SYBU: variants seen among roughly 807,000 people sequenced by gnomAD.
SYBU encodes the protein GOLSYN A protein.
A neutral mutation model predicts 35.9 loss-of-function variants in SYBU; 21 were observed. The ratio of observed to expected loss-of-function variants is 0.58; its 90% confidence interval spans 0.41 to 0.84. SYBU has a LOEUF of 0.84. Among genes scored for constraint, SYBU ranks in the 40% least tolerant of loss-of-function variants. SYBU has a pLI of 0.00. For synonymous variants in SYBU, 319 were observed against 324.3 expected, an observed-to-expected ratio of 0.98 and a Z score of 0.18; for missense variants, 768 against 848.2, an observed-to-expected ratio of 0.91 and a Z score of 1.17.
intron 2 of SYBU, among the ~76,000 whole-genome samples, chr8:109,637,052 A>G (rs552830212): frequency 1.4e-4 from 21 of 152,272 alleles, no homozygotes; most frequent in African/African-American, 4.3e-4. Flanking sequence ...CATACTCCTC[A>G]TACCAAATCC....
intron 2 of SYBU, among the ~76,000 whole-genome samples, chr8:109,624,241 C>T (rs61152293): frequency 0.18 from 27,484 of 152,012 alleles, 2,846 homozygotes; most frequent in East Asian, 0.4. Flanking sequence ...CCCCAAAATG[C>T]CCAACTCCCT....
At chr8:109,668,511 G>A (rs1010877352) in intron 1 of SYBU, among the ~76,000 whole-genome samples, 2 of 152,096 alleles carry the variant, frequency 1.3e-5, no homozygotes, top group Non-Finnish European at 2.9e-5. Flanking sequence ...AAACCAACAC[G>A]TAATATGATT....
chr8:109,600,204 T>C (rs1345346789), intron 3 of SYBU, among the ~76,000 whole-genome samples: 1 of 152,252 alleles, frequency 6.6e-6, no homozygotes, highest in Non-Finnish European at 1.5e-5. Context: ...GTAGGTGCTG[T>C]TGTTTTGAAA....
At chr8:109,581,282 C>T (rs1049824090) in intron 4 of SYBU, among the ~76,000 whole-genome samples, 7 of 152,168 alleles carry the variant, frequency 4.6e-5, no homozygotes, top group Non-Finnish European at 1.0e-4. Flanking sequence ...TTGGCACTGC[C>T]ACTTAGTAGG....
rs964248806 is a variant in SYBU, at chr8:109,584,540, A to T, written c.530+1520T>A. On this transcript the variant is annotated intron_variant, in intron 4 of 6. Coordinates refer to ENST00000276646, the MANE Select transcript of SYBU (RefSeq NM_001099754.2). The surrounding 1 kb of genome is among the most constrained non-coding windows in gnomAD (Gnocchi z 4.0). ...TTAGAGCAAGCCACATCTGATTTACACAGAATGTTTACATTCATGTCCTAT... is the reference window on the plus strand; with the variant it reads ...TTAGAGCAAGCCACATCTGATTTACTCAGAATGTTTACATTCATGTCCTAT... Among the ~76,000 whole-genome samples, 6 of 152,176 alleles carry T rather than the reference A, an allele frequency of 3.9e-5. No individual in the cohort carries two copies. The highest frequency in any genetic ancestry group is 7.3e-5 in the Non-Finnish European group (5 of 68,038).
chr8:109,631,505 G>A (rs1167183083), intron 2 of SYBU, among the ~76,000 whole-genome samples: 1 of 152,176 alleles, frequency 6.6e-6, no homozygotes, highest in Non-Finnish European at 1.5e-5. Context: ...GCCAGGTGAG[G>A]TAAGCTCCAT....
At chr8:109,677,221 A>G (rs765445642) in intron 1 of SYBU, among the ~76,000 whole-genome samples, 14 of 152,214 alleles carry the variant, frequency 9.2e-5, no homozygotes, top group Non-Finnish European at 2.1e-4. Flanking sequence ...AGATACTCTA[A>G]AAGTAATACA....
At chr8:109,585,943 C>G in intron 4 of SYBU, 117 bp downstream of exon 4, 1 of 703,002 alleles carries the variant, frequency 1.4e-6, no homozygotes, top group Non-Finnish European at 2.4e-6. Flanking sequence ...AAACAAAAAG[C>G]CTCACTGAAT....
chr8:109,594,970 T>C (rs893373296), intron 3 of SYBU, among the ~76,000 whole-genome samples: 7 of 152,216 alleles, frequency 4.6e-5, no homozygotes, highest in African/African-American at 1.7e-4. Context: ...TTTTTTTCTA[T>C]GAAAGGAGAA....
intron 1 of SYBU, among the ~76,000 whole-genome samples, chr8:109,667,753 A>G (rs2130754914): frequency 6.6e-6 from 1 of 152,242 alleles, no homozygotes; most frequent in East Asian, 1.9e-4. Flanking sequence ...TCAGCATCCC[A>G]AAGTGTTGGG....
chr8:109,644,159 T>C (rs1385988594), intron 1 of SYBU: 1 of 459,920 alleles, frequency 2.2e-6, no homozygotes, highest in Admixed American at 2.3e-5. Flanking sequence ...AGGCATCCAC[T>C]CTACCCGGGG....
chr8:109,687,544 A>G (rs1018980114), intron 1 of SYBU, among the ~76,000 whole-genome samples: 1 of 152,214 alleles, frequency 6.6e-6, no homozygotes, highest in Non-Finnish European at 1.5e-5. Flanking sequence ...GAAAGCCTGT[A>G]AAACACTGAT....
At chr8:109,682,820 G>T (rs1377743160), upstream of SYBU, among the ~76,000 whole-genome samples, 2 of 152,190 alleles carry the variant, frequency 1.3e-5, no homozygotes, top group Non-Finnish European at 2.9e-5. Flanking sequence ...CAGGCCCAGG[G>T]CTCCCCTGCT....
rs138849865 is a variant in SYBU, at chr8:109,638,615, G to A, written c.229+4113C>T. Among the ~76,000 whole-genome samples the A allele has an allele frequency of 1.1e-4, 17 of 152,184 alleles. No individual in the cohort carries two copies. The East Asian group carries it at 2.5e-3, about 22-fold the overall frequency. ...CTTCCTATTAACTGTACTTCCTTAC[G>A]TATTTTTAAAATAAAGCATTAATTA... On this transcript the variant is annotated intron_variant, in intron 2 of 6. Transcript: ENST00000276646.
At chr8:109,611,318 A>C (rs1454356301) in intron 3 of SYBU, among the ~76,000 whole-genome samples, 1 of 152,210 alleles carries the variant, frequency 6.6e-6, no homozygotes, top group African/African-American at 2.4e-5. Flanking sequence ...GAGGATTATA[A>C]TTCACTAATT....
chr8:109,688,591 CT>C (rs2130792379), intron 1 of SYBU, among the ~76,000 whole-genome samples: 1 of 152,260 alleles, frequency 6.6e-6, no homozygotes, highest in East Asian at 1.9e-4. Flanking sequence ...ACTTAATTTA[CT>C]TTCCTAATTT....
chr8:109,678,339 C>T (rs1039925643), intron 1 of SYBU, among the ~76,000 whole-genome samples: 2 of 150,950 alleles, frequency 1.3e-5, no homozygotes, highest in African/African-American at 4.9e-5. Flanking sequence ...TTAGGTTAAG[C>T]TTGAGACTCC....
At chr8:109,615,997 CTT>C (rs144362049) in intron 3 of SYBU, among the ~76,000 whole-genome samples, 1 of 96,048 alleles carries the variant, frequency 1.0e-5, no homozygotes, top group African/African-American at 4.8e-5. Flanking sequence ...CTTTTCTTTT[CTT>C]TTCTTTCTTT....
At chr8:109,638,666 CTACTTGCTGTGCACAT>C (rs1465296578) in intron 2 of SYBU, among the ~76,000 whole-genome samples, 1 of 152,118 alleles carries the variant, frequency 6.6e-6, no homozygotes, top group Non-Finnish European at 1.5e-5. Flanking sequence ...GTACAATGTT[CTACTTGCTGTGCACAT>C]AAAATAGGGC....
Sources: gnomAD v4.1 joint callset for allele counts (sites outside exome capture counted in the v4.1 genomes callset) on GRCh38, gnomAD v4.1.1 for gene constraint, Gnocchi (gnomAD v3.1) non-coding constraint, MANE v1.5 for transcripts, NCBI Gene and HGNC (gene_info 2026-07-23, HGNC 2026-07-21) for gene names.